The following DCC variants were observed in gnomAD, a reference collection of about 807,000 sequenced individuals.
The protein encoded by DCC is DCC netrin 1 receptor, also known as netrin receptor DCC.
DCC carries 58 observed loss-of-function variants against 172.5 expected under a neutral mutation model. The observed-to-expected ratio is 0.34, with a 90% CI of 0.27 to 0.42. The LOEUF (loss-of-function observed/expected upper bound fraction) is 0.42, where lower values mean the gene tolerates loss of function less well. Among genes scored for constraint, DCC ranks in the 10% least tolerant of loss-of-function variants. The pLI is 1.00. For missense variants in DCC, 1,740 were observed against 1,791.0 expected, an observed-to-expected ratio of 0.97 and a Z score of 0.51; for synonymous variants, 709 against 644.5, an observed-to-expected ratio of 1.10 and a Z score of -1.52.
At chr18:52,542,266 G>A (rs1178778374) in intron 1 of DCC, among the ~76,000 whole-genome samples, 1 of 151,242 alleles carries the variant, frequency 6.6e-6, no homozygotes, top group East Asian at 1.9e-4. Context: ...GAAAAATGCT[G>A]AAAAAAAATA....
In DCC at chr18:52,505,142, T is replaced by C. The variant is rs564506925; in HGVS notation, c.91+164264T>C. On this transcript the variant is annotated intron_variant, in intron 1 of 28. Transcript: ENST00000442544. ...CAACTTGCTGTAAGAGGCAAACCTG[T>C]GCAAATTAAGTTTGTCGAAATTATC... is the stretch of plus-strand genomic sequence containing the variant. Among the ~76,000 whole-genome samples the C allele has an allele frequency of 2.6e-5, 4 of 152,282 alleles. 1 individual carries two copies. The highest frequency in any genetic ancestry group is 9.6e-5 in the African/African-American group (4 of 41,552).
intron 5 of DCC, among the ~76,000 whole-genome samples, chr18:53,010,973 G>T (rs2041721827): frequency 6.6e-6 from 1 of 151,040 alleles, no homozygotes; most frequent in Non-Finnish European, 1.5e-5. Flanking sequence ...CATTTTAATT[G>T]CTTATTTTCA....
At chr18:52,367,114 GA>G (rs1309904999) in intron 1 of DCC, among the ~76,000 whole-genome samples, 2 of 152,172 alleles carry the variant, frequency 1.3e-5, no homozygotes, top group Non-Finnish European at 2.9e-5. Context: ...ACTGCTGGGG[GA>G]CCCAGTACAC....
At chr18:52,487,485 G>A (rs2030283968) in intron 1 of DCC, among the ~76,000 whole-genome samples, 1 of 152,026 alleles carries the variant, frequency 6.6e-6, no homozygotes, top group African/African-American at 2.4e-5. Context: ...TTGAAATAAC[G>A]AAAAGCACTA....
intron 5 of DCC, among the ~76,000 whole-genome samples, chr18:53,021,196 G>A (rs2041876744): frequency 1.3e-5 from 2 of 152,168 alleles, no homozygotes; most frequent in African/African-American, 4.8e-5. Context: ...GCTCTGAAGG[G>A]GCGAAGAGAG....
rs765428849 is a variant in DCC at position 52,541,875 on chromosome 18, GTATATA to G, written c.91+201013_91+201018del. 7.2e-4 allele frequency among the ~76,000 whole-genome samples: 83 copies of G among 115,196 alleles called. 1 individual carries two copies. Among genetic ancestry groups the G allele is most frequent in the African/African-American group, 1.7e-3 (51 of 30,424 alleles). The allele number at this position is 115,196 out of a possible 152,430, so 75.6% of individuals were successfully genotyped here. A position where few individuals can be genotyped will look rare whatever the true frequency, so the allele number is the denominator to read the frequency against. ...TTAAAAGTATATGATGTGTGTGTGT[GTATATA>G]TATATATATATATATGTGTATATAT... On this transcript the variant is annotated intron_variant, in intron 1 of 28. Coordinates refer to ENST00000442544, the MANE Select transcript of DCC (RefSeq NM_005215.4).
intron 2 of DCC, among the ~76,000 whole-genome samples, chr18:52,805,949 C>T (rs533340818): frequency 7.2e-5 from 11 of 152,284 alleles, no homozygotes; most frequent in East Asian, 5.8e-4. Context: ...ATTTTAATTT[C>T]AGCATGATTT....
chr18:52,778,516 T>A (rs1394695371), intron 2 of DCC, among the ~76,000 whole-genome samples: 1 of 152,148 alleles, frequency 6.6e-6, no homozygotes, highest in Non-Finnish European at 1.5e-5. Context: ...ATCCAAACAA[T>A]TTTAAAATCA....
intron 1 of DCC, among the ~76,000 whole-genome samples, chr18:52,465,615 T>C (rs1050270799): frequency 1.3e-5 from 2 of 152,194 alleles, no homozygotes; most frequent in Non-Finnish European, 2.9e-5. Flanking sequence ...AAGGAGCATC[T>C]GTTGAAGGCA....
intron 5 of DCC, among the ~76,000 whole-genome samples, chr18:52,955,778 A>T (rs539314136): frequency 6.6e-6 from 1 of 151,962 alleles, no homozygotes; most frequent in African/African-American, 2.4e-5. Flanking sequence ...TTTTGTTTTT[A>T]TTTTTAATTC....
chr18:52,747,918 C>T (rs1374892896), intron 1 of DCC, among the ~76,000 whole-genome samples: 1 of 152,126 alleles, frequency 6.6e-6, no homozygotes, highest in African/African-American at 2.4e-5. Flanking sequence ...TTTTCAGTGC[C>T]GCTTCGCCAG....
chr18:52,883,289 C>T (rs1249520513), intron 2 of DCC, among the ~76,000 whole-genome samples: 1 of 150,188 alleles, frequency 6.7e-6, no homozygotes, highest in Admixed American at 6.6e-5. Flanking sequence ...ATTCCTGTCA[C>T]TTTGTTATTT....
chr18:52,661,730 A>G (rs2035364285), intron 1 of DCC, among the ~76,000 whole-genome samples: 7 of 152,266 alleles, frequency 4.6e-5, no homozygotes, highest in Admixed American at 4.6e-4. Flanking sequence ...CCAAATATTT[A>G]TAAGATCTTC....
intron 2 of DCC, among the ~76,000 whole-genome samples, chr18:52,849,104 T>C (rs1195986512): frequency 6.6e-6 from 1 of 152,122 alleles, no homozygotes. Flanking sequence ...TGTGTGTGTG[T>C]GTGTGTGTTC....
At chr18:53,318,542 A>C (rs2057370113) in intron 13 of DCC, among the ~76,000 whole-genome samples, 1 of 152,006 alleles carries the variant, frequency 6.6e-6, no homozygotes, top group African/African-American at 2.4e-5. Flanking sequence ...AGCCTTCTTA[A>C]TTTTCTGTCT....
intron 14 of DCC, among the ~76,000 whole-genome samples, chr18:53,334,635 G>A (rs1306673050): frequency 2.6e-5 from 4 of 152,104 alleles, no homozygotes; most frequent in Non-Finnish European, 5.9e-5. Context: ...CTGTCTCCAT[G>A]AATTTAACTT....
At chr18:52,661,001 A>G (rs911541072) in intron 1 of DCC, among the ~76,000 whole-genome samples, 6 of 152,188 alleles carry the variant, frequency 3.9e-5, no homozygotes, top group African/African-American at 9.6e-5. Context: ...TGCCAACAAG[A>G]CAGGAGGAAA....
chr18:52,985,421 T>A (rs1256642870), intron 5 of DCC, among the ~76,000 whole-genome samples: 1 of 152,162 alleles, frequency 6.6e-6, no homozygotes, highest in Non-Finnish European at 1.5e-5. Flanking sequence ...TCAATACTGC[T>A]GATGAGAAAG....
intron 25 of DCC, chr18:53,480,827 T>C (rs1483806977): frequency 6.6e-6 from 1 of 152,192 alleles, no homozygotes; most frequent in African/African-American, 2.4e-5. Flanking sequence ...TCCCAAAATG[T>C]AGCAACATAA....
Sources: gnomAD v4.1 joint callset for allele counts (sites outside exome capture counted in the v4.1 genomes callset) on GRCh38, gnomAD v4.1.1 for gene constraint, MANE v1.5 for transcripts, NCBI Gene and HGNC (gene_info 2026-07-23, HGNC 2026-07-21) for gene names.